The following BAIAP2L1 variants were observed in gnomAD, a reference collection of about 807,000 sequenced individuals.
BAIAP2L1 encodes BAR/IMD domain containing adaptor protein 2 like 1.
A neutral mutation model predicts 66.3 loss-of-function variants in BAIAP2L1; 35 were observed. The observed-to-expected ratio is 0.53, with a 90% confidence interval of 0.40 to 0.70. BAIAP2L1 has a LOEUF of 0.70. BAIAP2L1 is among the 30% of genes least tolerant of loss of function. BAIAP2L1 has a pLI of 0.00. For missense variants in BAIAP2L1, 622 were observed against 656.9 expected, an observed-to-expected ratio of 0.95 and a Z score of 0.58; for synonymous variants, 269 against 248.7, an observed-to-expected ratio of 1.08 and a Z score of -0.77.
chr7:98,356,674 A>G (rs1218319071), intron 2 of BAIAP2L1, among the ~76,000 whole-genome samples: 2 of 149,206 alleles, frequency 1.3e-5, no homozygotes, highest in Admixed American at 6.7e-5. Context: ...TTAAAAAAAA[A>G]AAAAAAAAAA....
rs193069288 is a variant in BAIAP2L1, at chr7:98,332,240, G to A, written c.215-11942C>T. 2.8e-3 allele frequency among the ~76,000 whole-genome samples: 416 copies of A among 151,186 alleles called. 2 individuals carry two copies. The highest frequency in any genetic ancestry group is 9.4e-3 in the African/African-American group (385 of 41,156). The stretch of plus-strand genomic sequence containing the variant: ...TCTACCAAAAATATAAAAATTAGCC[G>A]GGTGTGGTGGCGCACACCTGTAATC... On this transcript the variant is annotated intron_variant, in intron 3 of 13. Transcript: ENST00000005260.
intron 3 of BAIAP2L1, among the ~76,000 whole-genome samples, chr7:98,345,599 A>G (rs1337808362): frequency 6.6e-6 from 1 of 151,808 alleles, no homozygotes. Context: ...GTGGGGGGGT[A>G]CTGTAGTCCC....
chr7:98,297,602 G>A (rs1438723663), intron 12 of BAIAP2L1, among the ~76,000 whole-genome samples: 1 of 152,156 alleles, frequency 6.6e-6, no homozygotes, highest in Admixed American at 6.6e-5. Context: ...TCCAGTCCTC[G>A]TCTGTGGCCC....
intron 11 of BAIAP2L1, among the ~76,000 whole-genome samples, chr7:98,304,814 G>A (rs368202578): frequency 2.6e-5 from 4 of 151,640 alleles, no homozygotes; most frequent in African/African-American, 7.3e-5. Flanking sequence ...CACCACACCC[G>A]GCCTAAAACA....
chr7:98,307,534 G>A, intron 10 of BAIAP2L1, 155 bp downstream of exon 10: 1 of 1,455,958 alleles, frequency 6.9e-7, no homozygotes, highest in Non-Finnish European at 9.0e-7. Flanking sequence ...AAATAGCCTG[G>A]GATCGAATAA....
intron 1 of BAIAP2L1, among the ~76,000 whole-genome samples, chr7:98,384,021 G>A (rs2115814150): frequency 6.6e-6 from 1 of 152,224 alleles, no homozygotes; most frequent in East Asian, 1.9e-4. Flanking sequence ...GGGCGTGGTG[G>A]CACGTGCCTG....
rs111418866 is a variant in BAIAP2L1 at position 98,307,063 on chromosome 7, T to G, written c.1164-547A>C. The G allele has an allele frequency of 6.1e-3, 972 of 160,280 alleles. 6 individuals are homozygous for G. Among genetic ancestry groups the G allele is most frequent in the Non-Finnish European group, 7.6e-3 (555 of 72,558 alleles). The allele number at this position is 160,280 out of a possible 1,614,324, so 9.9% of individuals were successfully genotyped here. A position where few individuals can be genotyped will look rare whatever the true frequency, so the allele number is the denominator to read the frequency against. On this transcript the variant is annotated intron_variant, in intron 10 of 13. Transcript: ENST00000005260. ...ATTCAAACTACCTACGTGCTAAACC[T>G]TAACAAAGTATATCTGATATGCAGA... is the stretch of plus-strand genomic sequence containing the variant.
rs559124678 is a variant in BAIAP2L1 at position 98,331,237 on chromosome 7, G to C, written c.215-10939C>G. ...ATGAAACAGAATATCCAAGAACTGC[G>C]GGAAAATTACAAAAGGTATAAATAG... On this transcript the variant is annotated intron_variant, in intron 3 of 13. Coordinates refer to ENST00000005260, the MANE Select transcript of BAIAP2L1 (RefSeq NM_018842.5). 5.3e-5 allele frequency among the ~76,000 whole-genome samples: 8 copies of C among 152,032 alleles called. No homozygotes were observed. The East Asian group carries it at 1.5e-3, about 29-fold the overall frequency.
rs76408692 is a variant in BAIAP2L1 at position 98,384,156 on chromosome 7, G to GA, written c.51+16645dup. On this transcript the variant is annotated intron_variant, in intron 1 of 13. Coordinates refer to ENST00000005260, the MANE Select transcript of BAIAP2L1 (RefSeq NM_018842.5). Reference sequence around the variant, plus strand: ...GCAACAAGAGTGAAACTCCGTCTCAGAAAAAAAAAAAAAAAAGAAAGAGCT... The same window carrying GA: ...GCAACAAGAGTGAAACTCCGTCTCAGAAAAAAAAAAAAAAAAAGAAAGAGCT... 7.1e-3 allele frequency among the ~76,000 whole-genome samples: 797 copies of GA among 112,360 alleles called. 7 individuals carry two copies. Among genetic ancestry groups the GA allele is most frequent in the East Asian group, 0.013 (44 of 3,408 alleles). The allele number at this position is 112,360 out of a possible 152,430, so 73.7% of individuals were successfully genotyped here.
intron 1 of BAIAP2L1, among the ~76,000 whole-genome samples, chr7:98,398,701 C>T (rs1803278357): frequency 1.3e-5 from 2 of 152,116 alleles, no homozygotes; most frequent in Non-Finnish European, 2.9e-5. Flanking sequence ...ATAAGACATG[C>T]CCAAGTGGTT....
In BAIAP2L1 at chr7:98,379,675, T is replaced by C. The variant is rs60957254; in HGVS notation, c.52-17243A>G. ...AAATCTTGTTTAGAGACAACCCACA[T>C]GTCCATCAACTGGTGAATGAACAAA... On this transcript the variant is annotated intron_variant, in intron 1 of 13. Transcript: ENST00000005260. Among the ~76,000 whole-genome samples the C allele has an allele frequency of 6.1e-3, 922 of 152,330 alleles. 14 individuals carry two copies. Among genetic ancestry groups the C allele is most frequent in the African/African-American group, 0.021 (888 of 41,582 alleles).
intron 1 of BAIAP2L1, chr7:98,386,669 T>A: frequency 1.5e-6 from 1 of 687,704 alleles, no homozygotes; most frequent in Non-Finnish European, 2.4e-6. Context: ...CATCGACTTC[T>A]CTCCTATATT....
At chr7:98,319,990 A>C (rs904475047) in intron 5 of BAIAP2L1, 68 bp downstream of exon 5, 2 of 1,306,146 alleles carry the variant, frequency 1.5e-6, no homozygotes, top group African/African-American at 3.0e-5. Context: ...AACAGTGGGA[A>C]CGAGTTCTCC....
chr7:98,371,908 C>A (rs1337694052), intron 1 of BAIAP2L1, among the ~76,000 whole-genome samples: 3 of 151,882 alleles, frequency 2.0e-5, no homozygotes, highest in African/African-American at 7.2e-5. Flanking sequence ...CGTTCTCCTG[C>A]CTCAGCCTCC....
chr7:98,311,899 G>T (rs1800886419), intron 8 of BAIAP2L1, among the ~76,000 whole-genome samples, 198 bp downstream of exon 8: 1 of 152,054 alleles, frequency 6.6e-6, no homozygotes, highest in African/African-American at 2.4e-5. Context: ...GAGCAAGAAA[G>T]ACTCCACCTT....
chr7:98,337,150 G>A (rs983461388), intron 3 of BAIAP2L1, among the ~76,000 whole-genome samples: 2 of 152,154 alleles, frequency 1.3e-5, no homozygotes. Context: ...ACGAGGCAGC[G>A]CACGTGGGAA....
chr7:98,380,752 T>A (rs1033508909), intron 1 of BAIAP2L1, among the ~76,000 whole-genome samples: 25 of 126,264 alleles, frequency 2.0e-4, no homozygotes, highest in South Asian at 1.3e-3. Flanking sequence ...TTTTTTTTTT[T>A]AATAAAAAAA....
chr7:98,338,948 C>T (rs530274948), intron 3 of BAIAP2L1, among the ~76,000 whole-genome samples: 1 of 152,118 alleles, frequency 6.6e-6, no homozygotes, highest in African/African-American at 2.4e-5. Context: ...TAGCGCATGC[C>T]TATAATTCCA....
chr7:98,298,969 G>A (rs922735179), intron 12 of BAIAP2L1, among the ~76,000 whole-genome samples: 1 of 152,054 alleles, frequency 6.6e-6, no homozygotes, highest in African/African-American at 2.4e-5. Context: ...AGGCTCCTGA[G>A]TAGACTACAG....
Sources: allele counts gnomAD v4.1 joint callset (sites outside exome capture counted in the v4.1 genomes callset), GRCh38; gene constraint gnomAD v4.1.1; transcripts MANE v1.5; gene names NCBI Gene and HGNC (gene_info 2026-07-23, HGNC 2026-07-21).